Variants in SORCS2 observed in about 807,000 individuals in gnomAD.
SORCS2 encodes the protein VPS10 domain-containing receptor SorCS2.
A neutral mutation model predicts 141.6 loss-of-function variants in SORCS2; 100 were observed. The observed-to-expected ratio is 0.71, with a 90% CI of 0.60 to 0.83. The LOEUF (loss-of-function observed/expected upper bound fraction) is 0.83. Ranked by LOEUF, SORCS2 falls within the 40% of genes least tolerant of loss-of-function variation. SORCS2 has a pLI of 0.00. For missense variants in SORCS2, 1,646 were observed against 1,560.2 expected (o/e 1.05, Z -0.93); for synonymous variants, 789 against 676.9 (o/e 1.17, Z -2.57).
chr4:7,404,076 T>C (rs1354752282), intron 2 of SORCS2, among the ~76,000 whole-genome samples: 4 of 149,674 alleles, frequency 2.7e-5, no homozygotes, highest in African/African-American at 9.8e-5. Flanking sequence ...GCTTTATTTC[T>C]GGGTTCTACG....
intron 3 of SORCS2, among the ~76,000 whole-genome samples, chr4:7,621,693 C>G (rs1259925646): frequency 5.3e-5 from 8 of 152,212 alleles, no homozygotes; most frequent in African/African-American, 1.7e-4. Context: ...TGAACAAAAT[C>G]CCACACAGAA....
chr4:7,392,035 C>T (rs533807075), intron 1 of SORCS2, among the ~76,000 whole-genome samples: 4 of 152,348 alleles, frequency 2.6e-5, no homozygotes, highest in Admixed American at 1.3e-4. Flanking sequence ...ACAAAGCCCT[C>T]GTTCAGACAT....
At chr4:7,275,139 C>T (rs1029353094) in intron 1 of SORCS2, among the ~76,000 whole-genome samples, 19 of 152,256 alleles carry the variant, frequency 1.2e-4, no homozygotes, top group African/African-American at 3.4e-4. Flanking sequence ...GGTTGCCAAG[C>T]GTGTCCTAGT....
Position 7,737,121 on chromosome 4 carries a change from G to A in SORCS2, c.3364G>A (p.Glu1122Lys), listed in dbSNP as rs1354326076. 6.4e-7 allele frequency: 1 copy of A among 1,551,506 alleles called. No individual in the cohort carries two copies. Among genetic ancestry groups the A allele is most frequent in the Non-Finnish European group, 8.7e-7 (1 of 1,146,974 alleles). Residue 1122 changes from glutamate to lysine, a missense_variant, in exon 26 of 27, where the codon GAG (glutamate) becomes AAG (lysine). Glu to Lys is a moderately conservative substitution (Grantham distance 56). Transcript: ENST00000507866. ...CCAAATGCACAACGAGAAGGAGCAG[G>A]AGATGACCAGCCCTGTGAGTCACAG... ...YAQMHNEKEQ[E>K]MTSPVSHSED... is the part of the protein sequence containing the mutation.
intron 1 of SORCS2, among the ~76,000 whole-genome samples, chr4:7,327,252 AG>A (rs561093306): frequency 1.4e-3 from 206 of 152,308 alleles, no homozygotes; most frequent in African/African-American, 4.8e-3. Context: ...GCCTCCCAGG[AG>A]TCAGGAGGCT....
intron 1 of SORCS2, chr4:7,381,892 A>AC (rs1215240801): frequency 1.0e-6 from 1 of 986,136 alleles, no homozygotes; most frequent in African/African-American, 1.7e-5. Flanking sequence ...ACAGCCTTCA[A>AC]CCAGCAGAGC....
At chr4:7,638,223 G>A (rs913790757) in intron 3 of SORCS2, 105 bp from the exon 4 acceptor site, 2 of 1,341,040 alleles carry the variant, frequency 1.5e-6, no homozygotes, top group Admixed American at 5.3e-5. Flanking sequence ...CCCCCTTTCT[G>A]GTGTGAGGGA....
chr4:7,401,425 C>T (rs116186954), intron 2 of SORCS2, among the ~76,000 whole-genome samples: 2,093 of 152,172 alleles, frequency 0.014, 46 homozygotes, highest in Admixed American at 0.063. Flanking sequence ...ACTGCTGAGA[C>T]CGAGAAGACC....
intron 2 of SORCS2, among the ~76,000 whole-genome samples, chr4:7,505,055 C>T (rs1486448208): frequency 1.3e-5 from 2 of 152,146 alleles, no homozygotes; most frequent in East Asian, 1.9e-4. Context: ...AAACCTGGAG[C>T]GCCGGGAGGG....
At chr4:7,335,813 T>G (rs929369770) in intron 1 of SORCS2, among the ~76,000 whole-genome samples, 5 of 152,204 alleles carry the variant, frequency 3.3e-5, no homozygotes, top group African/African-American at 1.2e-4. Flanking sequence ...CCAAGTGGCT[T>G]AGATCCTCTG....
Position 7,549,751 on chromosome 4 carries a change from C to T in SORCS2, c.648+18122C>T, listed in dbSNP as rs144872873. 7.2e-5 allele frequency among the ~76,000 whole-genome samples: 11 copies of T among 152,328 alleles called. No individual in the cohort carries two copies. The East Asian group carries it at 1.9e-3, about 27-fold the overall frequency. ...ACACACAGAGTTCCTCCTTATCTCA[C>T]GAATTCTCTCCTGAATGAGTTCGAA... On this transcript the variant is annotated intron_variant, in intron 3 of 26. Transcript: ENST00000507866.
chr4:7,460,099 C>CCTA (rs1553867778), intron 2 of SORCS2: 30 of 154,602 alleles, frequency 1.9e-4, no homozygotes, highest in Non-Finnish European at 4.0e-4. Flanking sequence ...CCCAGCAGTC[C>CCTA]CTCCCCCTGC....
chr4:7,373,420 C>T (rs890484393), intron 1 of SORCS2, among the ~76,000 whole-genome samples: 1 of 122,962 alleles, frequency 8.1e-6, no homozygotes, highest in East Asian at 2.8e-4. Context: ...TTTTATAGTA[C>T]GTTGTTTGTC....
intron 2 of SORCS2, among the ~76,000 whole-genome samples, chr4:7,446,271 A>G (rs1295216199): frequency 2.0e-5 from 3 of 152,140 alleles, no homozygotes; most frequent in African/African-American, 7.2e-5. Context: ...TTGGAGGGAC[A>G]CAAGCACTCG....
chr4:7,668,875 C>T (rs1722646826), intron 8 of SORCS2, among the ~76,000 whole-genome samples: 1 of 151,998 alleles, frequency 6.6e-6, no homozygotes, highest in Non-Finnish European at 1.5e-5. Context: ...GGAAAGTGCA[C>T]AGCCGAGAAT....
chr4:7,399,181 G>A lies in SORCS2; in HGVS notation c.548+2826G>A, dbSNP rs1310571748. ...CACCCTCTGTTTTGGGACTCACGCC[G>A]GAAGATGGTGCTAAGAGTTGAGAGC... On this transcript the variant is annotated intron_variant, in intron 2 of 26. Transcript: ENST00000507866. Among the ~76,000 whole-genome samples the A allele has an allele frequency of 3.3e-5, 5 of 152,022 alleles. No individual in the cohort carries two copies. The South Asian group carries it at 8.3e-4, about 25-fold the overall frequency.
intron 2 of SORCS2, among the ~76,000 whole-genome samples, chr4:7,479,116 G>A (rs7675681): frequency 6.6e-6 from 1 of 151,868 alleles, no homozygotes; most frequent in Non-Finnish European, 1.5e-5. Context: ...AGTAAAGGGA[G>A]AAAGGCACAC....
Position 7,320,560 on chromosome 4 carries a change from G to A in SORCS2, c.481-75728G>A, listed in dbSNP as rs183188441. On this transcript the variant is annotated intron_variant, in intron 1 of 26. Coordinates refer to ENST00000507866, the MANE Select transcript of SORCS2 (RefSeq NM_020777.3). ...ATGGCTGGTGTGACAGCTGATGTCT[G>A]CCAGACGGCTGCAGGTGGGGGTTTA... is the stretch of plus-strand genomic sequence containing the variant. Among the ~76,000 whole-genome samples the A allele has an allele frequency of 6.2e-3, 937 of 152,332 alleles. 4 individuals carry two copies. The highest frequency in any genetic ancestry group is 0.022 in the African/African-American group (895 of 41,572).
At chr4:7,736,081 G>A (rs1386084977) in intron 25 of SORCS2, among the ~76,000 whole-genome samples, 1 of 152,248 alleles carries the variant, frequency 6.6e-6, no homozygotes, top group East Asian at 1.9e-4. Context: ...GCAGAGCAAC[G>A]CCCGTTTGTC....
Sources: gnomAD v4.1 joint callset for allele counts (sites outside exome capture counted in the v4.1 genomes callset) on GRCh38, gnomAD v4.1.1 for gene constraint, MANE v1.5 for transcripts, NCBI Gene and HGNC (gene_info 2026-07-23, HGNC 2026-07-21) for gene names.